Variants in PRDM6 observed in about 807,000 individuals in gnomAD.
PRDM6 encodes PR/SET domain 6, also known as putative histone-lysine N-methyltransferase PRDM6.
PRDM6 carries 25 observed loss-of-function variants against 60.8 expected under a neutral mutation model. That is an observed-to-expected ratio of 0.41 (90% confidence interval 0.30 to 0.57). The LOEUF (loss-of-function observed/expected upper bound fraction) is 0.57, where lower values mean the gene tolerates loss of function less well. PRDM6 is among the 20% of genes least tolerant of loss of function. The probability of loss-of-function intolerance (pLI) is 0.27; values close to 1 mark genes in which losing one functional copy is unlikely to be tolerated. For missense variants in PRDM6, 839 were observed against 821.3 expected, an observed-to-expected ratio of 1.02 and a Z score of -0.26; for synonymous variants, 407 against 357.4, an observed-to-expected ratio of 1.14 and a Z score of -1.57.
chr5:123,121,155 A>G (rs1328357576), intron 3 of PRDM6, among the ~76,000 whole-genome samples: 1 of 152,200 alleles, frequency 6.6e-6, no homozygotes, highest in Non-Finnish European at 1.5e-5. Context: ...TGCACACTTA[A>G]AACGGAGTAT....
At position 123,090,315 on chromosome 5, in the gene PRDM6, G is replaced by T. The variant is rs934230847; in HGVS notation, c.301G>T (p.Ala101Ser). The part of the protein sequence containing the change: ...SSASSCAAAA[A>S]AAALAGLSAL... ...CGCCTCCTCCTGCGCTGCTGCGGCCGCTGCCGCCGCGCTGGCTGGTCTCTC... is the reference window on the plus strand; with the variant it reads ...CGCCTCCTCCTGCGCTGCTGCGGCCTCTGCCGCCGCGCTGGCTGGTCTCTC... Residue 101 changes from alanine to serine, a missense_variant, in exon 2 of 8, where the codon GCT becomes TCT. By Grantham distance (99) the Ala-to-Ser change is moderately conservative (BLOSUM62 1). Around this residue, in one of 2 missense-constraint regions of PRDM6, gnomAD observed 730 missense variants for 648.8 expected, o/e 1.13. Coordinates refer to ENST00000407847, the MANE Select transcript of PRDM6 (RefSeq NM_001136239.4). The T allele has an allele frequency of 2.7e-6, 4 of 1,474,834 alleles. No individual in the cohort carries two copies. In the South Asian group the frequency reaches 3.8e-5, roughly 14 times the overall value. The allele number at this position is 1,474,834 out of a possible 1,614,324, so 91.4% of individuals were successfully genotyped here. A position where few individuals can be genotyped will look rare whatever the true frequency, so the allele number is the denominator to read the frequency against.
At position 123,188,105 on chromosome 5, in the gene PRDM6, G is replaced by C. The variant is rs557716718; in HGVS notation, c.*904G>C. ...TTTTAGTTGTTTCTGTGAAAGTGTT[G>C]AACATGTGAACAAAAATAGTGCCAA... On this transcript the variant is annotated 3_prime_UTR_variant, in exon 8 of 8. Transcript: ENST00000407847. The C allele has an allele frequency of 6.6e-6, 1 of 152,062 alleles. No homozygotes were observed. The highest frequency in any genetic ancestry group is 1.9e-4 in the East Asian group (1 of 5,172). The allele number at this position is 152,062 out of a possible 1,614,324, so 9.4% of individuals were successfully genotyped here.
At chr5:123,110,416 G>A (rs1019903403) in intron 3 of PRDM6, among the ~76,000 whole-genome samples, 6 of 151,248 alleles carry the variant, frequency 4.0e-5, no homozygotes, top group Non-Finnish European at 7.4e-5. Flanking sequence ...CTGCCACCAC[G>A]CCTGGTTAAT....
chr5:123,157,378 C>T (rs1765528106), intron 4 of PRDM6, among the ~76,000 whole-genome samples: 1 of 152,018 alleles, frequency 6.6e-6, no homozygotes, highest in Non-Finnish European at 1.5e-5. Context: ...TACTTGTCCA[C>T]TTAGTAAGAG....
In PRDM6 at chr5:123,192,606, A is replaced by T. The variant is rs541826346; in HGVS notation, c.*5405A>T. 1 of 152,142 alleles carries T rather than the reference A, an allele frequency of 6.6e-6. No homozygotes were observed. The highest frequency in any genetic ancestry group is 1.5e-5 in the Non-Finnish European group (1 of 68,028). The allele number at this position is 152,142 out of a possible 1,614,324, so 9.4% of individuals were successfully genotyped here. On this transcript the variant is annotated 3_prime_UTR_variant, in exon 8 of 8. Coordinates refer to ENST00000407847, the MANE Select transcript of PRDM6 (RefSeq NM_001136239.4). The stretch of plus-strand genomic sequence containing the variant: ...TCTAAGCAGGAATCTAAAATTCCAC[A>T]TTGAAAGAAAAAAAAATAACCCTCT...
chr5:123,112,249 C>T (rs1395166884), intron 3 of PRDM6, among the ~76,000 whole-genome samples: 1 of 152,174 alleles, frequency 6.6e-6, no homozygotes, highest in Non-Finnish European at 1.5e-5. Flanking sequence ...TGACCACCTG[C>T]AGCACACCTT....
At chr5:123,096,279 TATATA>T (rs1477284087) in intron 2 of PRDM6, among the ~76,000 whole-genome samples, 1 of 151,808 alleles carries the variant, frequency 6.6e-6, no homozygotes, top group Non-Finnish European at 1.5e-5. Context: ...TGTGTGTGTA[TATATA>T]ATATAATGAC....
intron 3 of PRDM6, among the ~76,000 whole-genome samples, chr5:123,127,540 TGTTA>T (rs1488121233): frequency 6.6e-6 from 1 of 152,160 alleles, no homozygotes; most frequent in East Asian, 1.9e-4. Context: ...ATTTAAGCAT[TGTTA>T]GTTGTGAGAC....
intron 3 of PRDM6, among the ~76,000 whole-genome samples, chr5:123,135,135 A>G (rs2150225142): frequency 6.6e-6 from 1 of 152,354 alleles, no homozygotes; most frequent in Non-Finnish European, 1.5e-5. Context: ...GATGGTTTAC[A>G]TAGGCCGGAA....
chr5:123,176,532 G>A (rs956827900), intron 6 of PRDM6, among the ~76,000 whole-genome samples: 1 of 152,096 alleles, frequency 6.6e-6, no homozygotes, highest in African/African-American at 2.4e-5. Flanking sequence ...GCAACCTGGT[G>A]AAACCCCATC....
rs74579778 is a variant in PRDM6 at position 123,184,146 on chromosome 5, G to A, written c.1674-2941G>A. On this transcript the variant is annotated intron_variant, in intron 7 of 7. Transcript: ENST00000407847. ...GAACACATCATACATACAAAGCCCT[G>A]TGCAATTTGGTTCAATTCAAAAAGT... is the stretch of plus-strand genomic sequence containing the variant. Among the ~76,000 whole-genome samples, 852 of 152,226 alleles carry A rather than the reference G, an allele frequency of 5.6e-3. 9 individuals are homozygous for A. The highest frequency in any genetic ancestry group is 0.019 in the African/African-American group (790 of 41,514).
Position 123,192,754 on chromosome 5 carries a change from T to C in PRDM6, c.*5553T>C, listed in dbSNP as rs1243463476. ...GGTAAAAACACATCCTCAACGGGGC[T>C]AAGTGAAATCTCGTTTTCTTTCTTT... On this transcript the variant is annotated 3_prime_UTR_variant, in exon 8 of 8. Transcript: ENST00000407847. 6.6e-6 allele frequency: 1 copy of C among 152,230 alleles called. No individual in the cohort carries two copies. Among genetic ancestry groups the C allele is most frequent in the Non-Finnish European group, 1.5e-5 (1 of 68,050 alleles). The allele number at this position is 152,230 out of a possible 1,614,324, so 9.4% of individuals were successfully genotyped here.
chr5:123,115,006 T>A (rs1054244661), intron 3 of PRDM6, among the ~76,000 whole-genome samples: 1 of 152,194 alleles, frequency 6.6e-6, no homozygotes, highest in African/African-American at 2.4e-5. Flanking sequence ...TGCATAGCTG[T>A]TGTTTACATC....
At chr5:123,160,779 G>A (rs1048205700) in intron 5 of PRDM6, among the ~76,000 whole-genome samples, 7 of 152,082 alleles carry the variant, frequency 4.6e-5, no homozygotes, top group African/African-American at 1.7e-4. Flanking sequence ...ATAAATCTTT[G>A]CACATACAGT....
At chr5:123,180,121 CCAGA>C in intron 6 of PRDM6, 22 bp from the exon 7 acceptor site, 1 of 1,511,894 alleles carries the variant, frequency 6.6e-7, no homozygotes, top group Non-Finnish European at 8.9e-7. Flanking sequence ...AAAACAATGA[CCAGA>C]CAGTCTGTTT....
In PRDM6 at chr5:123,144,861, C is replaced by T. The variant is rs533424054; in HGVS notation, c.901-11023C>T. Among the ~76,000 whole-genome samples, 67 of 152,244 alleles carry T rather than the reference C, an allele frequency of 4.4e-4. No individual in the cohort carries two copies. The South Asian group carries it at 0.012, about 27-fold the overall frequency. On this transcript the variant is annotated intron_variant, in intron 3 of 7. Transcript: ENST00000407847. ...ACTCACAGAGCAGAGAGACATGGCC[C>T]GGCCCTTAATGCTTGGGTACCTGGC...
rs747211874 is a variant in PRDM6, at chr5:123,090,112, G to C, written c.98G>C (p.Gly33Ala). 1.3e-5 allele frequency: 20 copies of C among 1,544,060 alleles called. No individual in the cohort carries two copies. The highest frequency in any genetic ancestry group is 3.4e-4 in the Middle Eastern group (2 of 5,908). ...WQQLFPHGGA[G>A]PLKGSGAAGL... Reference sequence around the variant, plus strand: ...CAACTCTTCCCTCACGGAGGCGCAGGCCCGCTCAAGGGCAGCGGCGCCGCG... The same window carrying C: ...CAACTCTTCCCTCACGGAGGCGCAGCCCCGCTCAAGGGCAGCGGCGCCGCG... The change falls in exon 2 of 8, where the codon GGC becomes GCC. Residue 33 changes from glycine to alanine, a missense_variant. Gly to Ala is a moderately conservative substitution (Grantham distance 60). Transcript: ENST00000407847.
At chr5:123,104,291 C>T (rs1393017813) in intron 3 of PRDM6, among the ~76,000 whole-genome samples, 1 of 151,920 alleles carries the variant, frequency 6.6e-6, no homozygotes, top group Non-Finnish European at 1.5e-5. Context: ...GAATTGATTT[C>T]ATATTTTAAA....
At chr5:123,179,569 G>C (rs1766096085) in intron 6 of PRDM6, among the ~76,000 whole-genome samples, 1 of 152,324 alleles carries the variant, frequency 6.6e-6, no homozygotes, top group Admixed American at 6.5e-5. Flanking sequence ...TGACTTGCCT[G>C]TGTGTTTACC....
Sources: gnomAD v4.1 joint callset for allele counts (sites outside exome capture counted in the v4.1 genomes callset) on GRCh38, gnomAD v4.1.1 for gene constraint, gnomAD v4.1.1 regional missense constraint, MANE v1.5 for transcripts, NCBI Gene and HGNC (gene_info 2026-07-23, HGNC 2026-07-21) for gene names.